ATP11A: variants seen among roughly 807,000 people sequenced by gnomAD.
ATP11A encodes ATPase phospholipid transporting 11A, also known as phospholipid-transporting ATPase IH.
ATP11A carries 81 observed loss-of-function variants against 154.4 expected under a neutral mutation model. The observed-to-expected ratio is 0.52, with a 90% CI of 0.44 to 0.63. The LOEUF (loss-of-function observed/expected upper bound fraction) is 0.63. Among genes scored for constraint, ATP11A ranks in the 30% least tolerant of loss-of-function variants. The pLI is 0.00. For synonymous variants in ATP11A, 623 were observed against 585.9 expected (o/e 1.06, Z -0.91); for missense variants, 1,316 against 1,474.3 (o/e 0.89, Z 1.76).
intron 2 of ATP11A, among the ~76,000 whole-genome samples, chr13:112,789,600 C>T (rs565027803): frequency 1.3e-4 from 19 of 150,128 alleles, no homozygotes; most frequent in African/African-American, 3.9e-4. Flanking sequence ...ACGCGTAGAC[C>T]CCTGTGGAGA....
rs2079086266 is a variant in ATP11A, at chr13:112,831,565, A to G, written c.1395+17A>G. 6.2e-7 allele frequency: 1 copy of G among 1,611,704 alleles called. No individual in the cohort carries two copies. The highest frequency in any genetic ancestry group is 1.7e-4 in the Middle Eastern group (1 of 6,052). The stretch of plus-strand genomic sequence containing the variant: ...AACGGGAGGGTAGGTGGCAGCCCCC[A>G]CGCCGTCCAAGTGTGTGAGTGAGTG... On this transcript the variant is annotated intron_variant, in intron 13 of 29. Transcript: ENST00000375645.
chr13:112,827,144 T>G (rs1239314115), intron 12 of ATP11A, among the ~76,000 whole-genome samples: 11 of 152,202 alleles, frequency 7.2e-5, no homozygotes, highest in African/African-American at 2.7e-4. Flanking sequence ...TCTTTCTGTG[T>G]GCAGGTGTGA....
intron 2 of ATP11A, among the ~76,000 whole-genome samples, chr13:112,800,817 A>G (rs530262843): frequency 2.0e-5 from 3 of 152,374 alleles, no homozygotes; most frequent in Non-Finnish European, 2.9e-5. Flanking sequence ...AAGTGGGTTT[A>G]TCCTAGGTAT....
At position 112,886,957 on chromosome 13, in the gene ATP11A, C is replaced by T. The variant is rs2140467526; in HGVS notation, c.*5091C>T. The T allele has an allele frequency of 6.6e-6, 1 of 152,314 alleles. No individual in the cohort carries two copies. 9.4% of individuals were successfully genotyped at this position (152,314 alleles called of 1,614,324 possible). On this transcript the variant is annotated 3_prime_UTR_variant, in exon 30 of 30. Transcript: ENST00000375645. Reference sequence around the variant, plus strand: ...ATTTAACTGATAATTCATTAATCAGCTTTGAAAAATTAAATTGTTAATTAA... The same window carrying T: ...ATTTAACTGATAATTCATTAATCAGTTTTGAAAAATTAAATTGTTAATTAA...
rs112968329 is a variant in ATP11A at position 112,884,957 on chromosome 13, T to A, written c.*3091T>A. On this transcript the variant is annotated 3_prime_UTR_variant, in exon 30 of 30. Transcript: ENST00000375645. Reference sequence around the variant, plus strand: ...GGCTCCACGCTCACTCATAGCCATGTCCACATGGGGGCTTGCACACAGGAT... The same window carrying A: ...GGCTCCACGCTCACTCATAGCCATGACCACATGGGGGCTTGCACACAGGAT... 6.6e-6 allele frequency: 1 copy of A among 152,428 alleles called. No individual in the cohort carries two copies. The highest frequency in any genetic ancestry group is 2.4e-5 in the African/African-American group (1 of 41,434). 9.4% of individuals were successfully genotyped at this position (152,428 alleles called of 1,614,324 possible).
intron 2 of ATP11A, among the ~76,000 whole-genome samples, chr13:112,790,973 C>T (rs1440938911): frequency 6.6e-6 from 1 of 152,144 alleles, no homozygotes; most frequent in Non-Finnish European, 1.5e-5. Flanking sequence ...GGTGGTTTCC[C>T]AGTCATGATT....
At chr13:112,823,042 G>A (rs2078840170) in intron 8 of ATP11A, among the ~76,000 whole-genome samples, 2 of 152,212 alleles carry the variant, frequency 1.3e-5, no homozygotes, top group Admixed American at 6.5e-5. Flanking sequence ...GGGGAGTGTT[G>A]CTGAGGCTGC....
chr13:112,791,325 G>A (rs1458041244), intron 2 of ATP11A, among the ~76,000 whole-genome samples: 3 of 152,238 alleles, frequency 2.0e-5, no homozygotes, highest in Non-Finnish European at 4.4e-5. Context: ...GCCGGATGGG[G>A]GCCGTGAAGG....
At chr13:112,857,227 T>C (rs2079956213) in intron 20 of ATP11A, among the ~76,000 whole-genome samples, 1 of 152,148 alleles carries the variant, frequency 6.6e-6, no homozygotes, top group Non-Finnish European at 1.5e-5. Flanking sequence ...CTGTTACATT[T>C]AGGCACATAG....
intron 1 of ATP11A, among the ~76,000 whole-genome samples, chr13:112,705,766 C>G (rs538012977): frequency 1.3e-5 from 2 of 152,112 alleles, no homozygotes; most frequent in African/African-American, 4.8e-5. Flanking sequence ...TAATATTATA[C>G]GGCCAAAGGA....
rs537468049 is a variant in ATP11A at position 112,838,852 on chromosome 13, G to A, written c.1705+2601G>A. Among the ~76,000 whole-genome samples the A allele has an allele frequency of 3.9e-5, 6 of 152,202 alleles. No individual in the cohort carries two copies. Among genetic ancestry groups the A allele is most frequent in the Non-Finnish European group, 7.3e-5 (5 of 68,036 alleles). ...AATATGTAATTAAGCAAGGTGTTCTGTAAGTAGTAGTCATCCCCGGAGAGG... is the reference window on the plus strand; with the variant it reads ...AATATGTAATTAAGCAAGGTGTTCTATAAGTAGTAGTCATCCCCGGAGAGG... On this transcript the variant is annotated intron_variant, in intron 16 of 29. Coordinates refer to ENST00000375645, the MANE Select transcript of ATP11A (RefSeq NM_015205.3). The surrounding 1 kb of genome is among the most constrained non-coding windows in gnomAD (Gnocchi z 7.3).
intron 16 of ATP11A, among the ~76,000 whole-genome samples, chr13:112,841,198 G>A (rs962102069): frequency 1.5e-4 from 21 of 144,598 alleles, no homozygotes; most frequent in African/African-American, 3.7e-4. Context: ...CAAACCAGCC[G>A]CCTGGCAGAG....
intron 18 of ATP11A, chr13:112,851,695 A>T (rs1189324865): frequency 6.5e-6 from 1 of 152,672 alleles, no homozygotes; most frequent in African/African-American, 2.4e-5. Context: ...CTAATTTTTT[A>T]TATTTTTTGT....
chr13:112,766,555 T>C (rs1288755731), intron 1 of ATP11A, among the ~76,000 whole-genome samples: 1 of 152,066 alleles, frequency 6.6e-6, no homozygotes, highest in African/African-American at 2.4e-5. Context: ...GGCCCGGCAG[T>C]GTCTTCTGGG....
At chr13:112,809,985 G>T (rs2078443514) in intron 4 of ATP11A, among the ~76,000 whole-genome samples, 1 of 152,230 alleles carries the variant, frequency 6.6e-6, no homozygotes, top group Non-Finnish European at 1.5e-5. Flanking sequence ...CCCCCTGCCT[G>T]TGCGTGCACG....
intron 1 of ATP11A, among the ~76,000 whole-genome samples, chr13:112,694,547 C>T (rs189045426): frequency 9.1e-4 from 138 of 152,290 alleles, no homozygotes; most frequent in African/African-American, 3.2e-3. Flanking sequence ...CTGAGCATCC[C>T]GGCGTGGGCA....
chr13:112,805,249 T>C (rs1360651836), intron 3 of ATP11A, among the ~76,000 whole-genome samples: 2 of 152,224 alleles, frequency 1.3e-5, no homozygotes, highest in Non-Finnish European at 2.9e-5. Context: ...ACGACGCTAC[T>C]TTGGGTTTAA....
intron 24 of ATP11A, chr13:112,860,899 AT>A (rs2080082300): frequency 1.3e-5 from 2 of 153,526 alleles, no homozygotes; most frequent in African/African-American, 4.8e-5. Context: ...TCTCTGGCAG[AT>A]TCAATATGTT....
At chr13:112,717,131 C>T (rs924419782) in intron 1 of ATP11A, among the ~76,000 whole-genome samples, 3 of 152,304 alleles carry the variant, frequency 2.0e-5, no homozygotes, top group Admixed American at 6.5e-5. Context: ...AGAGCAGACA[C>T]GCTTCCGCCT....
Sources: gnomAD v4.1 joint callset for allele counts (sites outside exome capture counted in the v4.1 genomes callset) on GRCh38, gnomAD v4.1.1 for gene constraint, Gnocchi (gnomAD v3.1) non-coding constraint, MANE v1.5 for transcripts, NCBI Gene and HGNC (gene_info 2026-07-23, HGNC 2026-07-21) for gene names.